Variants in TRHDE observed in about 807,000 individuals in gnomAD.
TRHDE encodes the protein thyrotropin-releasing hormone-degrading ectoenzyme.
A neutral mutation model predicts 125.7 loss-of-function variants in TRHDE; 72 were observed. The observed-to-expected ratio is 0.57, with a 90% CI of 0.47 to 0.70. TRHDE has a LOEUF of 0.70. TRHDE is among the 30% of genes least tolerant of loss of function. The pLI is 0.00. For missense variants in TRHDE, 1,110 were observed against 1,327.1 expected (o/e 0.84, Z 2.54); for synonymous variants, 509 against 509.1 (o/e 1.00, Z 0.00).
chr12:72,559,907 T>G (rs1245519513), intron 7 of TRHDE, among the ~76,000 whole-genome samples: 2 of 152,212 alleles, frequency 1.3e-5, no homozygotes, highest in Non-Finnish European at 2.9e-5. Flanking sequence ...TCTCAGTATT[T>G]GTAGTTGTTC....
intron 3 of TRHDE, among the ~76,000 whole-genome samples, chr12:72,439,894 T>C (rs546725588): frequency 6.6e-6 from 1 of 152,030 alleles, no homozygotes; most frequent in South Asian, 2.1e-4. Flanking sequence ...TAGTTGTGGG[T>C]TTGTCATATA....
chr12:72,206,655 G>T (rs1200619833), intron 2 of TRHDE, among the ~76,000 whole-genome samples: 1 of 152,018 alleles, frequency 6.6e-6, no homozygotes, highest in Non-Finnish European at 1.5e-5. Flanking sequence ...AATATGGACT[G>T]TGTTTCATTA....
intron 3 of TRHDE, among the ~76,000 whole-genome samples, chr12:72,426,334 A>T (rs1197979146): frequency 6.6e-6 from 1 of 152,108 alleles, no homozygotes; most frequent in Non-Finnish European, 1.5e-5. Context: ...CATGTTTATA[A>T]ATTGCAAACT....
intron 15 of TRHDE, among the ~76,000 whole-genome samples, chr12:72,639,070 A>G (rs1873908775): frequency 6.6e-6 from 1 of 150,654 alleles, no homozygotes. Context: ...AGATTGGGGA[A>G]GTTCTCCTGG....
At chr12:72,423,933 C>G in intron 3 of TRHDE, among the ~76,000 whole-genome samples, 1 of 152,068 alleles carries the variant, frequency 6.6e-6, no homozygotes, top group Middle Eastern at 3.2e-3. Context: ...TAGCTAAGGA[C>G]CTCTAGAAGC....
chr12:72,211,024 C>T (rs1209396626), intron 2 of TRHDE, among the ~76,000 whole-genome samples: 5 of 152,130 alleles, frequency 3.3e-5, no homozygotes, highest in Admixed American at 6.6e-5. Context: ...TCCATTGATT[C>T]GACCACCCTC....
At chr12:72,338,784 C>T (rs767146557) in intron 2 of TRHDE, among the ~76,000 whole-genome samples, 68 of 152,122 alleles carry the variant, frequency 4.5e-4, no homozygotes, top group Non-Finnish European at 8.2e-4. Flanking sequence ...ATTTTGTGAA[C>T]CTACAACATG....
chr12:72,192,899 G>A (rs1320920520), intron 2 of TRHDE, among the ~76,000 whole-genome samples: 2 of 152,038 alleles, frequency 1.3e-5, no homozygotes, highest in African/African-American at 2.4e-5. Context: ...TCTATTAGCT[G>A]TAGCCAGTGA....
At chr12:72,575,952 T>C (rs11179257) in intron 12 of TRHDE, among the ~76,000 whole-genome samples, 20,612 of 152,182 alleles carry the variant, frequency 0.14, 1,465 homozygotes, top group Middle Eastern at 0.23. Context: ...CTAAGAAGCT[T>C]ATGCTGCAAA....
chr12:72,426,023 G>C (rs189011362), intron 3 of TRHDE, among the ~76,000 whole-genome samples: 1 of 152,156 alleles, frequency 6.6e-6, no homozygotes, highest in East Asian at 1.9e-4. Context: ...TTGAAATGGT[G>C]GCAGGGATGA....
chr12:72,513,698 G>A (rs1400858793), intron 6 of TRHDE, among the ~76,000 whole-genome samples: 2 of 151,990 alleles, frequency 1.3e-5, no homozygotes, highest in Non-Finnish European at 2.9e-5. Flanking sequence ...AAGACACAGA[G>A]ATTTTTTTTT....
chr12:72,382,108 G>C (rs1015586217), intron 3 of TRHDE, among the ~76,000 whole-genome samples: 1 of 152,198 alleles, frequency 6.6e-6, no homozygotes, highest in African/African-American at 2.4e-5. Context: ...CTGAGCGGGA[G>C]CATGTAGTTG....
chr12:72,432,764 T>C (rs1274436364), intron 3 of TRHDE, among the ~76,000 whole-genome samples: 5 of 152,152 alleles, frequency 3.3e-5, no homozygotes, highest in African/African-American at 1.2e-4. Context: ...GTCATGTCTT[T>C]TGCGAATAGG....
intron 2 of TRHDE, among the ~76,000 whole-genome samples, chr12:72,217,821 T>C (rs1308174405): frequency 1.3e-5 from 2 of 152,140 alleles, no homozygotes; most frequent in African/African-American, 4.8e-5. Flanking sequence ...TTTACTATGT[T>C]TGATGGGAAG....
chr12:72,464,995 TC>T (rs1156300694), intron 3 of TRHDE, among the ~76,000 whole-genome samples: 1 of 152,192 alleles, frequency 6.6e-6, no homozygotes, highest in Non-Finnish European at 1.5e-5. Context: ...CATAATTTTA[TC>T]AAGCATTTTC....
intron 6 of TRHDE, among the ~76,000 whole-genome samples, chr12:72,534,609 ATACC>A (rs1163873718): frequency 6.6e-6 from 1 of 152,030 alleles, no homozygotes; most frequent in Non-Finnish European, 1.5e-5. Flanking sequence ...GAAGATAACA[ATACC>A]TACATACATT....
chr12:72,142,714 C>G (rs1876143969), intron 2 of TRHDE, among the ~76,000 whole-genome samples: 1 of 152,080 alleles, frequency 6.6e-6, no homozygotes, highest in Non-Finnish European at 1.5e-5. Flanking sequence ...GACCAGCAGA[C>G]TAGCAGACCA....
Position 72,506,309 on chromosome 12 carries a change from T to TCAAA in TRHDE, c.1722+6699_1722+6702dup, listed in dbSNP as rs561842787. Among the ~76,000 whole-genome samples, 644 of 152,126 alleles carry TCAAA rather than the reference T, an allele frequency of 4.2e-3. 2 individuals carry two copies. Among genetic ancestry groups the TCAAA allele is most frequent in the African/African-American group, 0.014 (573 of 41,482 alleles). ...CTGGACAAGAGAGCAAAATCCTATT[T>TCAAA]CAAACAAACAAACAAACAAACAAAC... On this transcript the variant is annotated intron_variant, in intron 6 of 18. Coordinates refer to ENST00000261180, the MANE Select transcript of TRHDE (RefSeq NM_013381.3).
chr12:72,655,614 C>A (rs566185606), intron 17 of TRHDE, among the ~76,000 whole-genome samples: 1 of 152,168 alleles, frequency 6.6e-6, no homozygotes, highest in South Asian at 2.1e-4. Context: ...AGCCACAATA[C>A]GTGGAAATTA....
Sources: allele counts gnomAD v4.1 joint callset (sites outside exome capture counted in the v4.1 genomes callset), GRCh38; gene constraint gnomAD v4.1.1; transcripts MANE v1.5; gene names NCBI Gene and HGNC (gene_info 2026-07-23, HGNC 2026-07-21).